The following ITFG1 variants were observed in gnomAD, a reference collection of about 807,000 sequenced individuals.
ITFG1 encodes T-cell immunomodulatory protein.
In ITFG1, 34 loss-of-function variants were observed where a neutral mutation model predicts 81.8. That is an observed-to-expected ratio of 0.42 (90% CI 0.32 to 0.55). The LOEUF (loss-of-function observed/expected upper bound fraction) is 0.55, where lower values mean the gene tolerates loss of function less well. Among genes scored for constraint, ITFG1 ranks in the 20% least tolerant of loss-of-function variants. ITFG1 has a pLI of 0.17. For synonymous variants in ITFG1, 285 were observed against 270.6 expected, an observed-to-expected ratio of 1.05 and a Z score of -0.52; for missense variants, 672 against 755.4, an observed-to-expected ratio of 0.89 and a Z score of 1.29.
chr16:47,267,390 G>A (rs1486071904), intron 10 of ITFG1, among the ~76,000 whole-genome samples: 1 of 152,160 alleles, frequency 6.6e-6, no homozygotes, highest in African/African-American at 2.4e-5. Context: ...TTATAGGCCT[G>A]ATGACATAAC....
intron 5 of ITFG1, among the ~76,000 whole-genome samples, chr16:47,438,713 G>C (rs924597369): frequency 1.3e-5 from 2 of 152,174 alleles, no homozygotes; most frequent in Non-Finnish European, 2.9e-5. Context: ...ACCAAAGGTA[G>C]ATAAAACCAC....
intron 5 of ITFG1, among the ~76,000 whole-genome samples, chr16:47,437,890 C>A (rs1396343276): frequency 6.6e-6 from 1 of 152,238 alleles, no homozygotes; most frequent in Non-Finnish European, 1.5e-5. Flanking sequence ...GAGGCATCGC[C>A]TCACCTGGGA....
chr16:47,412,371 G>T (rs754520324), intron 6 of ITFG1, among the ~76,000 whole-genome samples: 17 of 152,240 alleles, frequency 1.1e-4, no homozygotes, highest in East Asian at 3.9e-4. Context: ...AATGATCCAA[G>T]AGTTGAAAGA....
intron 10 of ITFG1, among the ~76,000 whole-genome samples, chr16:47,307,287 TTTAA>T: frequency 6.6e-6 from 1 of 152,016 alleles, no homozygotes; most frequent in Admixed American, 6.5e-5. Flanking sequence ...TTATTAAAAC[TTTAA>T]TTAAAAATTG....
At chr16:47,304,624 T>C (rs1967128785) in intron 10 of ITFG1, among the ~76,000 whole-genome samples, 1 of 152,216 alleles carries the variant, frequency 6.6e-6, no homozygotes, top group Non-Finnish European at 1.5e-5. Context: ...TATTAATATA[T>C]GTGACTGAAA....
intron 8 of ITFG1, among the ~76,000 whole-genome samples, chr16:47,348,416 T>C (rs13331418): frequency 0.12 from 18,207 of 152,098 alleles, 2,384 homozygotes; most frequent in African/African-American, 0.33. Context: ...GACAAATGCA[T>C]AAGCTTCAAT....
chr16:47,424,366 G>A (rs1477752430), intron 6 of ITFG1, among the ~76,000 whole-genome samples: 1 of 152,100 alleles, frequency 6.6e-6, no homozygotes, highest in African/African-American at 2.4e-5. Context: ...TCCTTGCGAT[G>A]GGTTAGAACA....
At chr16:47,302,908 C>G (rs1967098175) in intron 10 of ITFG1, among the ~76,000 whole-genome samples, 1 of 152,214 alleles carries the variant, frequency 6.6e-6, no homozygotes, top group Non-Finnish European at 1.5e-5. Context: ...TCAATCTGAA[C>G]TAAGCTTCTT....
At chr16:47,390,662 G>A (rs920508727) in intron 6 of ITFG1, among the ~76,000 whole-genome samples, 2 of 152,088 alleles carry the variant, frequency 1.3e-5, no homozygotes, top group Non-Finnish European at 2.9e-5. Flanking sequence ...GTTTCACCAT[G>A]TTGGCCAGGC....
intron 14 of ITFG1, among the ~76,000 whole-genome samples, chr16:47,180,431 G>A (rs537496524): frequency 6.7e-6 from 1 of 149,958 alleles, no homozygotes; most frequent in African/African-American, 2.5e-5. Flanking sequence ...CTCTGATGCC[G>A]AGCCAAAGCT....
chr16:47,409,137 A>G (rs1430163079), intron 6 of ITFG1, among the ~76,000 whole-genome samples: 1 of 151,560 alleles, frequency 6.6e-6, no homozygotes, highest in African/African-American at 2.4e-5. Context: ...AATTAGGGTT[A>G]TCATAACAAG....
intron 14 of ITFG1, among the ~76,000 whole-genome samples, chr16:47,206,454 C>A (rs1965501128): frequency 6.6e-6 from 1 of 152,150 alleles, no homozygotes; most frequent in Non-Finnish European, 1.5e-5. Flanking sequence ...GTTGGGCAAA[C>A]CTGACCACTA....
At chr16:47,456,687 G>T (rs1188972148) in intron 2 of ITFG1, among the ~76,000 whole-genome samples, 24 of 136,800 alleles carry the variant, frequency 1.8e-4, no homozygotes, top group Admixed American at 1.6e-3. Context: ...GTGAGACTCT[G>T]TCTCTAAAAA....
At chr16:47,285,817 T>A (rs944902525) in intron 10 of ITFG1, among the ~76,000 whole-genome samples, 1 of 152,216 alleles carries the variant, frequency 6.6e-6, no homozygotes, top group Non-Finnish European at 1.5e-5. Flanking sequence ...AAGAATTTTG[T>A]AAACACGCGT....
chr16:47,339,216 C>A (rs888542950), intron 8 of ITFG1, among the ~76,000 whole-genome samples: 1 of 152,110 alleles, frequency 6.6e-6, no homozygotes, highest in African/African-American at 2.4e-5. Context: ...GATGGACTTC[C>A]ATATCTTGGC....
At chr16:47,354,718 A>C (rs999245586) in intron 8 of ITFG1, among the ~76,000 whole-genome samples, 3 of 152,144 alleles carry the variant, frequency 2.0e-5, no homozygotes, top group South Asian at 2.1e-4. Context: ...AATTGTGATT[A>C]AAAATGGGCA....
intron 14 of ITFG1, among the ~76,000 whole-genome samples, chr16:47,205,854 A>ATCTC (rs2151522271): frequency 6.7e-6 from 1 of 150,348 alleles, no homozygotes; most frequent in African/African-American, 2.4e-5. Flanking sequence ...CTATCTATCT[A>ATCTC]TCTATCTATC....
intron 6 of ITFG1, among the ~76,000 whole-genome samples, chr16:47,421,606 C>A (rs1302218206): frequency 6.6e-6 from 1 of 152,040 alleles, no homozygotes; most frequent in Non-Finnish European, 1.5e-5. Context: ...CCCGGACTAG[C>A]CAGTCTATAT....
chr16:47,239,570 G>T (rs1239296194), intron 12 of ITFG1, among the ~76,000 whole-genome samples: 2 of 152,004 alleles, frequency 1.3e-5, no homozygotes, highest in Non-Finnish European at 2.9e-5. Context: ...AAGGCACCAA[G>T]AAATAAACAT....
Sources: allele counts gnomAD v4.1 joint callset (sites outside exome capture counted in the v4.1 genomes callset), GRCh38; gene constraint gnomAD v4.1.1; transcripts MANE v1.5; gene names NCBI Gene and HGNC (gene_info 2026-07-23, HGNC 2026-07-21).